The following CTNNA3 variants were observed in gnomAD, a reference collection of about 807,000 sequenced individuals.
CTNNA3 encodes catenin alpha 3.
Under a neutral mutation model 95.7 loss-of-function variants are expected in CTNNA3, and 76 were observed. That is an observed-to-expected ratio of 0.79 (90% confidence interval 0.66 to 0.96). The LOEUF (loss-of-function observed/expected upper bound fraction) is 0.96. Among genes scored for constraint, CTNNA3 ranks in the 40% least tolerant of loss-of-function variants. CTNNA3 has a pLI of 0.00. For missense variants in CTNNA3, 1,191 were observed against 1,089.8 expected, an observed-to-expected ratio of 1.09 and a Z score of -1.31; for synonymous variants, 431 against 374.4, an observed-to-expected ratio of 1.15 and a Z score of -1.74.
At chr10:66,629,017 A>G (rs1235940050) in intron 9 of CTNNA3, among the ~76,000 whole-genome samples, 4 of 152,036 alleles carry the variant, frequency 2.6e-5, no homozygotes, top group Non-Finnish European at 5.9e-5. Flanking sequence ...ACATGAGGTT[A>G]CTCCTTCAAT....
intron 5 of CTNNA3, among the ~76,000 whole-genome samples, chr10:67,388,425 T>G (rs200032116): frequency 0.057 from 7,046 of 122,636 alleles, 384 homozygotes; most frequent in East Asian, 0.28. Context: ...AGACCAAATC[T>G]ACGTCTGATT....
At chr10:66,188,601 G>GGC (rs2086471771) in intron 13 of CTNNA3, among the ~76,000 whole-genome samples, 1 of 112,812 alleles carries the variant, frequency 8.9e-6, no homozygotes, top group African/African-American at 5.6e-5. Context: ...GTCTCTGTGT[G>GGC]TGTGTGTGTG....
intron 9 of CTNNA3, among the ~76,000 whole-genome samples, chr10:66,700,517 G>C (rs1296751302): frequency 1.3e-5 from 2 of 152,094 alleles, no homozygotes; most frequent in Non-Finnish European, 2.9e-5. Context: ...CAGTAACATA[G>C]TGTTTGGTTA....
At chr10:66,727,126 T>C (rs1477308582) in intron 9 of CTNNA3, among the ~76,000 whole-genome samples, 4 of 152,090 alleles carry the variant, frequency 2.6e-5, no homozygotes, top group Non-Finnish European at 5.9e-5. Context: ...AATTTTCCTA[T>C]GCTAGAAATT....
At chr10:66,117,264 T>C (rs2082381041) in intron 13 of CTNNA3, among the ~76,000 whole-genome samples, 1 of 152,186 alleles carries the variant, frequency 6.6e-6, no homozygotes, top group Admixed American at 6.5e-5. Flanking sequence ...TATTAAATGT[T>C]ATGCCTCAAT....
At chr10:66,434,173 C>A (rs1157831668) in intron 11 of CTNNA3, among the ~76,000 whole-genome samples, 1 of 151,792 alleles carries the variant, frequency 6.6e-6, no homozygotes, top group Non-Finnish European at 1.5e-5. Context: ...TTTTCTAATT[C>A]TGTGAAAAAA....
At chr10:67,711,501 G>T (rs1225575646) in intron 1 of CTNNA3, among the ~76,000 whole-genome samples, 1 of 152,152 alleles carries the variant, frequency 6.6e-6, no homozygotes, top group East Asian at 1.9e-4. Flanking sequence ...GAGGCATTTT[G>T]CCCCTTCCCT....
At chr10:67,295,297 A>G (rs1004824471) in intron 5 of CTNNA3, among the ~76,000 whole-genome samples, 2 of 152,252 alleles carry the variant, frequency 1.3e-5, no homozygotes, top group African/African-American at 4.8e-5. Flanking sequence ...TCAGAAAGAA[A>G]GCAGGATTTT....
At chr10:67,635,756 A>G (rs1346905399) in intron 2 of CTNNA3, among the ~76,000 whole-genome samples, 1 of 152,180 alleles carries the variant, frequency 6.6e-6, no homozygotes, top group African/African-American at 2.4e-5. Flanking sequence ...AAAACGCACA[A>G]GACAAGGATG....
intron 5 of CTNNA3, among the ~76,000 whole-genome samples, chr10:67,428,408 T>C (rs146442386): frequency 8.7e-4 from 132 of 152,112 alleles, no homozygotes; most frequent in African/African-American, 2.9e-3. Flanking sequence ...GCCTTAGTAA[T>C]AGAATTAGAG....
chr10:67,359,703 G>T (rs1842931169), intron 5 of CTNNA3, among the ~76,000 whole-genome samples: 1 of 152,104 alleles, frequency 6.6e-6, no homozygotes, highest in South Asian at 2.1e-4. Context: ...AAAGAAATAT[G>T]GGATTATGTA....
chr10:67,499,442 C>A (rs1839156555), intron 5 of CTNNA3, among the ~76,000 whole-genome samples: 2 of 152,106 alleles, frequency 1.3e-5, no homozygotes, highest in African/African-American at 4.8e-5. Context: ...TGATGTTGGC[C>A]TCATAAAATG....
intron 5 of CTNNA3, among the ~76,000 whole-genome samples, chr10:67,272,279 C>T (rs1443649525): frequency 6.6e-6 from 1 of 152,030 alleles, no homozygotes; most frequent in Admixed American, 6.6e-5. Flanking sequence ...AGGCTGGGCA[C>T]GGTTGTTCAT....
intron 8 of CTNNA3, among the ~76,000 whole-genome samples, chr10:66,769,134 C>T (rs1839982019): frequency 1.3e-5 from 2 of 152,214 alleles, no homozygotes; most frequent in South Asian, 4.1e-4. Context: ...TCTTATTACT[C>T]CCCTTTGCTT....
chr10:66,407,793 C>A (rs948153267), intron 11 of CTNNA3, among the ~76,000 whole-genome samples: 1 of 152,110 alleles, frequency 6.6e-6, no homozygotes, highest in African/African-American at 2.4e-5. Flanking sequence ...CTTGGCCAGG[C>A]TGGTCTCGAT....
At chr10:67,041,140 G>A (rs1277304301) in intron 7 of CTNNA3, among the ~76,000 whole-genome samples, 2 of 152,014 alleles carry the variant, frequency 1.3e-5, no homozygotes, top group Admixed American at 1.3e-4. Context: ...GAGAACTAGG[G>A]AATTCAGCCA....
rs11288347 is a variant in CTNNA3 at position 66,839,033 on chromosome 10, T to TA, written c.1048-63510dup. Among the ~76,000 whole-genome samples, 16 of 150,392 alleles carry TA rather than the reference T, an allele frequency of 1.1e-4. No individual in the cohort carries two copies. In the South Asian group the frequency reaches 2.7e-3, roughly 26 times the overall value. ...ATGTATGCCAATACATTCATACTTA[T>TA]AAAAAAAAAAACAGAATCAAGAGTA... On this transcript the variant is annotated intron_variant, in intron 7 of 17. Coordinates refer to ENST00000433211, the MANE Select transcript of CTNNA3 (RefSeq NM_013266.4).
chr10:66,926,440 G>C (rs901831309), intron 7 of CTNNA3: 6 of 796,684 alleles, frequency 7.5e-6, no homozygotes, highest in African/African-American at 6.9e-5. Context: ...TTCCAAAATC[G>C]GTCCATCTCC....
intron 9 of CTNNA3, among the ~76,000 whole-genome samples, chr10:66,680,588 T>A (rs185296126): frequency 6.6e-6 from 1 of 152,290 alleles, no homozygotes; most frequent in East Asian, 1.9e-4. Context: ...TCTCCCAAAC[T>A]AGACTGGTAT....
Sources: allele counts gnomAD v4.1 joint callset (sites outside exome capture counted in the v4.1 genomes callset), GRCh38; gene constraint gnomAD v4.1.1; transcripts MANE v1.5; gene names NCBI Gene and HGNC (gene_info 2026-07-23, HGNC 2026-07-21).